Variants in ADAM12 observed in about 807,000 individuals in gnomAD.
The protein encoded by ADAM12 is disintegrin and metalloproteinase domain-containing protein 12.
In ADAM12, 70 loss-of-function variants were observed where a neutral mutation model predicts 106.4. The observed-to-expected ratio is 0.66, with a 90% CI of 0.54 to 0.80. The LOEUF (loss-of-function observed/expected upper bound fraction) is 0.80. Among genes scored for constraint, ADAM12 ranks in the 30% least tolerant of loss-of-function variants. The pLI, the probability that ADAM12 is intolerant of heterozygous loss-of-function variation, is 0.00. For synonymous variants in ADAM12, 420 were observed against 433.5 expected (o/e 0.97, Z 0.39); for missense variants, 1,010 against 1,171.9 (o/e 0.86, Z 2.02).
chr10:126,310,437 G>A (rs1410322851), intron 2 of ADAM12, among the ~76,000 whole-genome samples: 3 of 152,156 alleles, frequency 2.0e-5, no homozygotes, highest in Admixed American at 1.3e-4. Flanking sequence ...AAAGACCCCA[G>A]AGAATGTAAG....
At chr10:126,248,458 C>T (rs1386531345) in intron 3 of ADAM12, among the ~76,000 whole-genome samples, 5 of 152,090 alleles carry the variant, frequency 3.3e-5, no homozygotes, top group African/African-American at 7.2e-5. Context: ...TGCCACCCCT[C>T]GAGGCAACGT....
At chr10:126,384,245 G>A (rs1365128008) in intron 1 of ADAM12, among the ~76,000 whole-genome samples, 2 of 152,144 alleles carry the variant, frequency 1.3e-5, no homozygotes, top group African/African-American at 2.4e-5. Flanking sequence ...GCAACTGCTT[G>A]TAAAGAATAC....
intron 11 of ADAM12, among the ~76,000 whole-genome samples, chr10:126,076,111 G>C (rs1282588059): frequency 6.6e-6 from 1 of 152,156 alleles, no homozygotes; most frequent in African/African-American, 2.4e-5. Context: ...CCCAGTGTCT[G>C]TTGTACTCAT....
intron 3 of ADAM12, among the ~76,000 whole-genome samples, chr10:126,221,219 A>C (rs1212962257): frequency 2.0e-5 from 3 of 152,136 alleles, no homozygotes; most frequent in Non-Finnish European, 4.4e-5. Context: ...CCCCGTCTCT[A>C]CTAAAAATAC....
chr10:126,086,549 C>T (rs1212179845), intron 11 of ADAM12, among the ~76,000 whole-genome samples: 7 of 143,502 alleles, frequency 4.9e-5, no homozygotes, highest in Non-Finnish European at 9.0e-5. Flanking sequence ...TGGTGGTGCA[C>T]GCCTGTAATC....
chr10:126,023,212 T>A (rs989319708), intron 21 of ADAM12, among the ~76,000 whole-genome samples: 2 of 152,192 alleles, frequency 1.3e-5, no homozygotes, highest in African/African-American at 4.8e-5. Flanking sequence ...GTGGGAATTA[T>A]GGCTATAGAT....
chr10:126,111,524 A>C (rs1955867987), intron 6 of ADAM12, among the ~76,000 whole-genome samples: 1 of 152,158 alleles, frequency 6.6e-6, no homozygotes, highest in African/African-American at 2.4e-5. Context: ...TAGAAATGAA[A>C]AACTAATCTC....
At chr10:126,130,671 C>T (rs1956288606) in intron 5 of ADAM12, among the ~76,000 whole-genome samples, 1 of 152,176 alleles carries the variant, frequency 6.6e-6, no homozygotes, top group Non-Finnish European at 1.5e-5. Flanking sequence ...TGACAGTTGC[C>T]CTGCACCTTT....
At chr10:126,331,560 G>A (rs534173114) in intron 1 of ADAM12, among the ~76,000 whole-genome samples, 10 of 152,276 alleles carry the variant, frequency 6.6e-5, no homozygotes, top group East Asian at 3.9e-4. Context: ...TACTACTCCC[G>A]TAGTCACTGT....
At chr10:126,217,560 T>C (rs1958009951) in intron 3 of ADAM12, among the ~76,000 whole-genome samples, 1 of 151,476 alleles carries the variant, frequency 6.6e-6, no homozygotes, top group African/African-American at 2.4e-5. Flanking sequence ...AGAGACAGGG[T>C]TTCTCCATGT....
chr10:126,182,646 G>A (rs1253044982), intron 3 of ADAM12, among the ~76,000 whole-genome samples: 1 of 152,200 alleles, frequency 6.6e-6, no homozygotes, highest in East Asian at 1.9e-4. Context: ...CAGATTTCAT[G>A]TAAGTTGCTG....
At chr10:126,368,828 A>G (rs1193453173) in intron 1 of ADAM12, among the ~76,000 whole-genome samples, 4 of 83,188 alleles carry the variant, frequency 4.8e-5, no homozygotes, top group East Asian at 2.8e-4. Context: ...GTTTATCATC[A>G]CCAGATCACT....
intron 3 of ADAM12, among the ~76,000 whole-genome samples, chr10:126,266,868 G>C (rs746890466): frequency 6.6e-6 from 1 of 152,128 alleles, no homozygotes; most frequent in African/African-American, 2.4e-5. Context: ...AACAGCACTA[G>C]GGGGATGCCG....
At chr10:126,381,238 G>A (rs189370742) in intron 1 of ADAM12, among the ~76,000 whole-genome samples, 2 of 152,156 alleles carry the variant, frequency 1.3e-5, no homozygotes, top group African/African-American at 2.4e-5. Context: ...TCTATATGTC[G>A]AGCATGGTAA....
chr10:126,034,338 G>C (rs969100461), intron 21 of ADAM12, among the ~76,000 whole-genome samples: 2 of 152,062 alleles, frequency 1.3e-5, no homozygotes, highest in Non-Finnish European at 2.9e-5. Context: ...CAATGCATAG[G>C]AAAACCCCAC....
chr10:126,370,640 T>A (rs972242772), intron 1 of ADAM12, among the ~76,000 whole-genome samples: 1 of 152,154 alleles, frequency 6.6e-6, no homozygotes, highest in Non-Finnish European at 1.5e-5. Flanking sequence ...TATTGTTCTA[T>A]CTCAGTGTCT....
chr10:126,042,235 T>C (rs539283232), intron 18 of ADAM12: 2 of 1,613,202 alleles, frequency 1.2e-6, no homozygotes, highest in East Asian at 2.2e-5. Context: ...CTGCCTTGCT[T>C]CTTTCCCTCG....
At chr10:126,346,829 A>C (rs1376138873) in intron 1 of ADAM12, among the ~76,000 whole-genome samples, 1 of 152,136 alleles carries the variant, frequency 6.6e-6, no homozygotes, top group African/African-American at 2.4e-5. Flanking sequence ...GTTTTATCAG[A>C]GACTAGGTTT....
At chr10:126,089,451 T>C (rs1955421236) in intron 11 of ADAM12, among the ~76,000 whole-genome samples, 1 of 152,170 alleles carries the variant, frequency 6.6e-6, no homozygotes, top group South Asian at 2.1e-4. Context: ...TATTATTACT[T>C]GTTCTTCTAA....
Sources: allele counts gnomAD v4.1 joint callset (sites outside exome capture counted in the v4.1 genomes callset), GRCh38; gene constraint gnomAD v4.1.1; transcripts MANE v1.5; gene names NCBI Gene and HGNC (gene_info 2026-07-23, HGNC 2026-07-21).